Variants in ANKS1B observed in about 807,000 individuals in gnomAD.
The protein encoded by ANKS1B is ankyrin repeat and sterile alpha motif domain-containing protein 1B.
In ANKS1B, 36 loss-of-function variants were observed where a neutral mutation model predicts 148.3. That is an observed-to-expected ratio of 0.24 (90% confidence interval 0.19 to 0.32). The LOEUF is 0.32. Ranked by LOEUF, ANKS1B falls within the 10% of genes least tolerant of loss-of-function variation. The probability of loss-of-function intolerance (pLI) is 1.00; values close to 1 mark genes in which losing one functional copy is unlikely to be tolerated. For synonymous variants in ANKS1B, 542 were observed against 560.8 expected (o/e 0.97, Z 0.47); for missense variants, 1,157 against 1,542.6 (o/e 0.75, Z 4.19).
intron 19 of ANKS1B, among the ~76,000 whole-genome samples, chr12:98,827,914 C>G (rs28702905): frequency 0.01 from 1,547 of 152,134 alleles, 35 homozygotes; most frequent in African/African-American, 0.035. Context: ...ACATATGTGA[C>G]TCGAAAATAT....
chr12:99,306,758 G>T (rs2082403850), intron 12 of ANKS1B, among the ~76,000 whole-genome samples: 1 of 152,068 alleles, frequency 6.6e-6, no homozygotes, highest in Non-Finnish European at 1.5e-5. Flanking sequence ...AACCAGCTTG[G>T]TTAAATTTCC....
intron 17 of ANKS1B, among the ~76,000 whole-genome samples, chr12:99,037,944 G>A (rs1205070045): frequency 6.6e-6 from 1 of 152,190 alleles, no homozygotes; most frequent in East Asian, 1.9e-4. Context: ...GTTGCCTGGT[G>A]TGTGGTGGTA....
chr12:99,832,274 A>G (rs2084120500), intron 1 of ANKS1B, among the ~76,000 whole-genome samples: 1 of 152,110 alleles, frequency 6.6e-6, no homozygotes, highest in Non-Finnish European at 1.5e-5. Flanking sequence ...AAAAATATAC[A>G]CTGTAGAATT....
chr12:99,936,086 G>C (rs557922291), intron 1 of ANKS1B, among the ~76,000 whole-genome samples: 1 of 151,922 alleles, frequency 6.6e-6, no homozygotes, highest in Non-Finnish European at 1.5e-5. Context: ...AACAGCATGG[G>C]GGAAACCAAC....
intron 1 of ANKS1B, among the ~76,000 whole-genome samples, chr12:99,979,012 TAC>T (rs1253195100): frequency 2.6e-5 from 4 of 152,156 alleles, no homozygotes; most frequent in Non-Finnish European, 5.9e-5. Flanking sequence ...TAATTAAATA[TAC>T]ATTTTAAATG....
Position 99,178,590 on chromosome 12 carries a change from G to C in ANKS1B, c.2420-24195C>G, listed in dbSNP as rs902025842. On this transcript the variant is annotated intron_variant, in intron 14 of 26. Coordinates refer to ENST00000683438, the MANE Select transcript of ANKS1B (RefSeq NM_001352186.2). ...TTCAGGCACTATCAACTTTGTTGTT[G>C]TATTTATAACAATGCAGGGAATGTT... Among the ~76,000 whole-genome samples, 5 of 152,158 alleles carry C rather than the reference G, an allele frequency of 3.3e-5. No individual in the cohort carries two copies. The East Asian group carries it at 9.6e-4, about 29-fold the overall frequency.
At chr12:99,813,266 AT>A (rs1353270408) in intron 2 of ANKS1B, among the ~76,000 whole-genome samples, 2 of 151,678 alleles carry the variant, frequency 1.3e-5, no homozygotes, top group Non-Finnish European at 3.0e-5. Flanking sequence ...ATATCAAAAT[AT>A]ATGTCAACAA....
intron 1 of ANKS1B, among the ~76,000 whole-genome samples, chr12:99,982,946 C>G (rs1245214154): frequency 6.6e-6 from 1 of 152,196 alleles, no homozygotes; most frequent in African/African-American, 2.4e-5. Flanking sequence ...ATTGCACTGT[C>G]TGACCACCAC....
rs1217686708 is a variant in ANKS1B, at chr12:99,759,573, GTC to G, written c.1128+13347_1128+13348del. On this transcript the variant is annotated intron_variant, in intron 8 of 26. Transcript: ENST00000683438. ...GTTAAGTGATTATTGCAACTGCCAT[GTC>G]TCTTTAAGCTCAGGCTCTCGCCTGA... is the stretch of plus-strand genomic sequence containing the variant. Among the ~76,000 whole-genome samples, 31 of 151,980 alleles carry G rather than the reference GTC, an allele frequency of 2.0e-4. 1 individual carries two copies. The highest frequency in any genetic ancestry group is 2.0e-3 in the Admixed American group (31 of 15,244).
At chr12:99,370,420 A>T (rs2093064108) in intron 12 of ANKS1B, among the ~76,000 whole-genome samples, 3 of 152,184 alleles carry the variant, frequency 2.0e-5, no homozygotes, top group African/African-American at 7.2e-5. Context: ...GTAAGGATTT[A>T]GGCTGAGTTT....
intron 10 of ANKS1B, among the ~76,000 whole-genome samples, chr12:99,446,113 A>AT (rs1325725192): frequency 3.4e-5 from 5 of 147,754 alleles, no homozygotes; most frequent in African/African-American, 1.3e-4. Flanking sequence ...AGGAAGCATG[A>AT]TAAAAAAAAA....
At chr12:99,715,055 G>T (rs1440419198) in intron 8 of ANKS1B, among the ~76,000 whole-genome samples, 3 of 152,038 alleles carry the variant, frequency 2.0e-5, no homozygotes, top group African/African-American at 4.8e-5. Flanking sequence ...CTTGAACCTG[G>T]GAGGCGGGGG....
intron 10 of ANKS1B, among the ~76,000 whole-genome samples, chr12:99,500,623 A>T (rs145144689): frequency 2.0e-4 from 31 of 152,294 alleles, no homozygotes; most frequent in African/African-American, 7.2e-4. Context: ...GATAACTGAT[A>T]CAGGCATCAT....
At chr12:99,610,753 C>G (rs747816172) in intron 9 of ANKS1B, among the ~76,000 whole-genome samples, 2 of 152,072 alleles carry the variant, frequency 1.3e-5, no homozygotes, top group Non-Finnish European at 1.5e-5. Flanking sequence ...TAGGATTCAA[C>G]CTTTTTTATA....
intron 22 of ANKS1B, among the ~76,000 whole-genome samples, chr12:98,783,591 T>C (rs11109604): frequency 0.35 from 53,744 of 151,978 alleles, 10,359 homozygotes; most frequent in Middle Eastern, 0.47. Context: ...TGACGGCCTA[T>C]TAGGGGTGAT....
At chr12:99,348,899 A>G (rs570812948) in intron 12 of ANKS1B, among the ~76,000 whole-genome samples, 3 of 152,096 alleles carry the variant, frequency 2.0e-5, no homozygotes, top group South Asian at 4.1e-4. Flanking sequence ...TATAACAAAC[A>G]GTATTATTGT....
intron 17 of ANKS1B, among the ~76,000 whole-genome samples, chr12:98,919,702 C>T (rs2099798846): frequency 6.6e-6 from 1 of 152,046 alleles, no homozygotes. Context: ...TTTTAGTTTG[C>T]TCTTACTGAA....
intron 17 of ANKS1B, among the ~76,000 whole-genome samples, chr12:98,869,660 A>G (rs1364336604): frequency 1.3e-5 from 1 of 79,376 alleles, no homozygotes; most frequent in Non-Finnish European, 2.4e-5. Flanking sequence ...TACAAATTAC[A>G]CAAAATTGTG....
rs76529913 is a variant in ANKS1B, at chr12:99,077,947, C to T, written c.2625+6978G>A. 4.0e-3 allele frequency among the ~76,000 whole-genome samples: 610 copies of T among 152,232 alleles called. 23 individuals are homozygous for T. In the East Asian group the frequency reaches 0.084, roughly 21 times the overall value. On this transcript the variant is annotated intron_variant, in intron 16 of 26. Transcript: ENST00000683438. ...ATGACATAGGGGTAGCAGAGTGACA[C>T]CTATAACCAAATCTGGCCCCCAATG...
Sources: gnomAD v4.1 joint callset for allele counts (sites outside exome capture counted in the v4.1 genomes callset) on GRCh38, gnomAD v4.1.1 for gene constraint, MANE v1.5 for transcripts, NCBI Gene and HGNC (gene_info 2026-07-23, HGNC 2026-07-21) for gene names.